CA5A: variants seen among roughly 807,000 people sequenced by gnomAD.
The protein encoded by CA5A is carbonic anhydrase 5A, mitochondrial.
CA5A carries 28 observed loss-of-function variants against 37.1 expected under a neutral mutation model. The ratio of observed to expected loss-of-function variants is 0.75; its 90% CI spans 0.56 to 1.03. CA5A has a LOEUF of 1.03. Ranked by LOEUF, CA5A falls within the 50% of genes least tolerant of loss-of-function variation. The probability of loss-of-function intolerance (pLI) is 0.00; values close to 1 mark genes in which losing one functional copy is unlikely to be tolerated. For missense variants in CA5A, 444 were observed against 399.9 expected (o/e 1.11, Z -0.94); for synonymous variants, 171 against 158.4 (o/e 1.08, Z -0.60).
chr16:87,935,494 G>C (rs1241182490), intron 1 of CA5A, among the ~76,000 whole-genome samples: 4 of 152,210 alleles, frequency 2.6e-5, no homozygotes, highest in South Asian at 2.1e-4. Flanking sequence ...TGCGAACACG[G>C]ACTACCCGCC....
chr16:87,901,825 G>A, intron 5 of CA5A, 87 bp downstream of exon 5: 2 of 1,105,096 alleles, frequency 1.8e-6, no homozygotes, highest in Non-Finnish European at 2.7e-6. Context: ...AACCTCACGT[G>A]ATCCACCTGC....
intron 2 of CA5A, among the ~76,000 whole-genome samples, chr16:87,919,690 G>A (rs1367901840): frequency 6.6e-6 from 1 of 152,168 alleles, no homozygotes; most frequent in Non-Finnish European, 1.5e-5. Context: ...TTGAGGTGGG[G>A]TTCTGCCAGG....
At chr16:87,936,271 A>G (rs1301769934) in intron 1 of CA5A, 38 bp downstream of exon 1, 4 of 1,456,210 alleles carry the variant, frequency 2.7e-6, no homozygotes, top group Non-Finnish European at 2.9e-6. Flanking sequence ...TAAGACAAGG[A>G]TCCAGTCGCA....
intron 2 of CA5A, among the ~76,000 whole-genome samples, chr16:87,925,160 G>C (rs1232858897): frequency 6.6e-6 from 1 of 152,228 alleles, no homozygotes; most frequent in East Asian, 1.9e-4. Context: ...ATGCCTGCCG[G>C]AGAGGATGTG....
chr16:87,896,161 C>T (rs918135877), intron 5 of CA5A, among the ~76,000 whole-genome samples: 1 of 152,238 alleles, frequency 6.6e-6, no homozygotes, highest in African/African-American at 2.4e-5. Context: ...ATATAAAAAA[C>T]TTGCCCAAAG....
chr16:87,904,139 C>T (rs531776819), intron 3 of CA5A, among the ~76,000 whole-genome samples: 26 of 152,064 alleles, frequency 1.7e-4, no homozygotes, highest in African/African-American at 5.8e-4. Context: ...GTCAGGAGTT[C>T]GAGACCAGCC....
chr16:87,896,772 C>T (rs1210717217), intron 5 of CA5A, among the ~76,000 whole-genome samples: 1 of 152,210 alleles, frequency 6.6e-6, no homozygotes, highest in Non-Finnish European at 1.5e-5. Flanking sequence ...TCCCTAGTAG[C>T]TGGGATTACA....
chr16:87,915,779 T>C lies in CA5A; in HGVS notation c.341-10875A>G, dbSNP rs143030506. Among the ~76,000 whole-genome samples, 1,129 of 151,316 alleles carry C rather than the reference T, an allele frequency of 7.5e-3. 13 individuals are homozygous for C. Among genetic ancestry groups the C allele is most frequent in the African/African-American group, 0.026 (1,072 of 41,192 alleles). On this transcript the variant is annotated intron_variant, in intron 2 of 6. Transcript: ENST00000649794. The stretch of plus-strand genomic sequence containing the variant: ...TAGTTACTGATATTTTTACTTGCAG[T>C]GTAACTTTCTGGCCCCTTCCCATAA...
intron 5 of CA5A, among the ~76,000 whole-genome samples, chr16:87,899,426 C>G (rs1242810995): frequency 6.7e-6 from 1 of 150,194 alleles, no homozygotes; most frequent in East Asian, 2.0e-4. Context: ...CCTCAGCCTC[C>G]TGAGTAGCTG....
At chr16:87,914,361 G>T (rs1453044007) in intron 2 of CA5A, among the ~76,000 whole-genome samples, 1 of 152,174 alleles carries the variant, frequency 6.6e-6, no homozygotes, top group African/African-American at 2.4e-5. Flanking sequence ...TCAGGCAACC[G>T]CCAGCAGCAC....
At chr16:87,917,779 T>G (rs951832219) in intron 2 of CA5A, among the ~76,000 whole-genome samples, 3 of 134,866 alleles carry the variant, frequency 2.2e-5, no homozygotes, top group Non-Finnish European at 4.6e-5. Flanking sequence ...TGTGCACACA[T>G]GCACACATGT....
chr16:87,909,003 T>G (rs1567524422), intron 2 of CA5A, among the ~76,000 whole-genome samples: 1 of 151,110 alleles, frequency 6.6e-6, no homozygotes, highest in African/African-American at 2.4e-5. Flanking sequence ...TTTTTTTTTT[T>G]TGTATTTTTA....
At chr16:87,924,259 T>C in intron 2 of CA5A, 3 of 985,392 alleles carry the variant, frequency 3.0e-6, no homozygotes, top group Non-Finnish European at 3.6e-6. Flanking sequence ...ACGGGAAGCA[T>C]CCGCGGGGGT....
chr16:87,913,221 C>T (rs1227507761), intron 2 of CA5A, among the ~76,000 whole-genome samples: 6 of 152,082 alleles, frequency 3.9e-5, no homozygotes, highest in Admixed American at 1.3e-4. Context: ...TCAGGTGATC[C>T]ACCTGCCTCG....
chr16:87,914,162 T>C (rs1209354740), intron 2 of CA5A, among the ~76,000 whole-genome samples: 4 of 152,166 alleles, frequency 2.6e-5, no homozygotes, highest in Non-Finnish European at 4.4e-5. Flanking sequence ...CGATTTACAA[T>C]AGGAACTTCT....
intron 2 of CA5A, among the ~76,000 whole-genome samples, chr16:87,917,969 C>T (rs747076275): frequency 2.6e-5 from 4 of 152,228 alleles, no homozygotes; most frequent in Non-Finnish European, 4.4e-5. Flanking sequence ...CGTCCTTGAA[C>T]CGCACAGCCA....
chr16:87,930,555 G>A (rs913052554), intron 1 of CA5A, among the ~76,000 whole-genome samples: 1 of 152,054 alleles, frequency 6.6e-6, no homozygotes, highest in African/African-American at 2.4e-5. Flanking sequence ...CGTGTTGTGA[G>A]GGCAGAGGAT....
intron 5 of CA5A, among the ~76,000 whole-genome samples, chr16:87,901,544 C>T (rs1257743693): frequency 1.3e-5 from 2 of 152,082 alleles, no homozygotes; most frequent in Admixed American, 6.6e-5. Flanking sequence ...AATCGCTGCA[C>T]TAAACAATTT....
At chr16:87,888,941 T>C (rs968929468) in intron 6 of CA5A, among the ~76,000 whole-genome samples, 20 of 145,216 alleles carry the variant, frequency 1.4e-4, no homozygotes, top group African/African-American at 5.1e-4. Flanking sequence ...TTTTTTGAGA[T>C]GGAGTTTCGC....
Sources: gnomAD v4.1 joint callset for allele counts (sites outside exome capture counted in the v4.1 genomes callset) on GRCh38, gnomAD v4.1.1 for gene constraint, MANE v1.5 for transcripts, NCBI Gene and HGNC (gene_info 2026-07-23, HGNC 2026-07-21) for gene names.